The following SLC2A14 variants were observed in gnomAD, a reference collection of about 807,000 sequenced individuals.
SLC2A14 encodes solute carrier family 2, facilitated glucose transporter member 14.
SLC2A14 carries 13 observed loss-of-function variants against 43.0 expected under a neutral mutation model. That is an observed-to-expected ratio of 0.30 (90% CI 0.20 to 0.48). The LOEUF (loss-of-function observed/expected upper bound fraction) is 0.48. Among genes scored for constraint, SLC2A14 ranks in the 20% least tolerant of loss-of-function variants. The probability of loss-of-function intolerance (pLI) is 0.99; values close to 1 mark genes in which losing one functional copy is unlikely to be tolerated. For missense variants in SLC2A14, 428 were observed against 620.4 expected (o/e 0.69, Z 3.29); for synonymous variants, 190 against 233.8 (o/e 0.81, Z 1.71).
rs1395010131 is a variant in SLC2A14, at chr12:7,824,113, G to A, written c.865-2788C>T. ...TCTATTAAAAATACAAAAATCAGCC[G>A]GGTGTGGTGGCAGGTGCCTGTAGTC... is the stretch of plus-strand genomic sequence containing the variant. On this transcript the variant is annotated intron_variant, in intron 7 of 10. Transcript: ENST00000431042. Among the ~76,000 whole-genome samples, 17 of 152,058 alleles carry A rather than the reference G, an allele frequency of 1.1e-4. No individual in the cohort carries two copies. The South Asian group carries it at 2.1e-3, about 19-fold the overall frequency.
exon 1 of SLC2A14, chr12:7,891,103 C>G: frequency 6.5e-7 from 1 of 1,534,628 alleles, no homozygotes; most frequent in Non-Finnish European, 8.7e-7. Flanking sequence ...AGTACTTCTA[C>G]TCTCAACAGT....
At chr12:7,820,657 A>G (rs1303836390) in intron 8 of SLC2A14, among the ~76,000 whole-genome samples, 1 of 152,138 alleles carries the variant, frequency 6.6e-6, no homozygotes, top group Non-Finnish European at 1.5e-5. Flanking sequence ...GTTTTTCCAA[A>G]CACCTCTCCT....
chr12:7,862,095 C>T (rs1219447293), intron 2 of SLC2A14, among the ~76,000 whole-genome samples: 1 of 151,348 alleles, frequency 6.6e-6, no homozygotes, highest in Non-Finnish European at 1.5e-5. Context: ...GAAACCCCGT[C>T]TCTACTAAAA....
intron 9 of SLC2A14, among the ~76,000 whole-genome samples, chr12:7,818,884 G>T (rs560696820): frequency 1.3e-5 from 2 of 151,652 alleles, no homozygotes; most frequent in Admixed American, 6.6e-5. Flanking sequence ...CTGAGACCCC[G>T]TCATCATCCA....
intron 1 of SLC2A14, among the ~76,000 whole-genome samples, chr12:7,886,151 C>CTGTTTTTTTTTTT (rs1945684984): frequency 2.2e-5 from 1 of 44,694 alleles, no homozygotes; most frequent in Admixed American, 4.0e-4. Flanking sequence ...GCCCGGACAG[C>CTGTTTTTTTTTTT]TTTTTTTTTT....
intron 2 of SLC2A14, among the ~76,000 whole-genome samples, chr12:7,867,792 C>A (rs1427661667): frequency 1.3e-5 from 2 of 150,388 alleles, no homozygotes; most frequent in African/African-American, 4.9e-5. Context: ...TTGCAGTGAG[C>A]CGAGATCGTT....
At chr12:7,871,084 G>A (rs61925360) in intron 1 of SLC2A14, 3 of 1,367,784 alleles carry the variant, frequency 2.2e-6, no homozygotes, top group East Asian at 3.7e-5. Context: ...GATGAGCGAG[G>A]CCCCAGGGCC....
intron 2 of SLC2A14, among the ~76,000 whole-genome samples, chr12:7,855,001 G>T (rs10846057): frequency 4.0e-5 from 6 of 151,440 alleles, no homozygotes; most frequent in East Asian, 1.9e-4. Flanking sequence ...GTAGAAACAG[G>T]GTTTCACCAT....
chr12:7,824,644 A>T, intron 7 of SLC2A14, among the ~76,000 whole-genome samples: 1 of 151,144 alleles, frequency 6.6e-6, no homozygotes, highest in Admixed American at 6.6e-5. Flanking sequence ...GAGGCAGGAG[A>T]ATCACTTGAA....
At chr12:7,835,155 G>A (rs1415573918) in intron 2 of SLC2A14, among the ~76,000 whole-genome samples, 1 of 150,076 alleles carries the variant, frequency 6.7e-6, no homozygotes, top group Non-Finnish European at 1.5e-5. Flanking sequence ...TCAAAACAGA[G>A]TAAGTTAGTG....
chr12:7,869,927 G>A lies in SLC2A14; in HGVS notation c.-47C>T, dbSNP rs1240781668. The A allele has an allele frequency of 6.6e-7, 1 of 1,524,722 alleles. No individual in the cohort carries two copies. Among genetic ancestry groups the A allele is most frequent in the East Asian group, 2.5e-5 (1 of 40,798 alleles). 94.4% of individuals were successfully genotyped at this position (1,524,722 alleles called of 1,614,324 possible). Reference sequence around the variant, plus strand: ...GACTCCCTCTCCAATTTCTCTTCAAGGTACTGCTTCCTGTAAATTGTAATT... The same window carrying A: ...GACTCCCTCTCCAATTTCTCTTCAAAGTACTGCTTCCTGTAAATTGTAATT... On this transcript the variant is annotated 5_prime_UTR_variant, in exon 2 of 11. Transcript: ENST00000431042.
At chr12:7,868,113 C>CT (rs2121047198) in intron 2 of SLC2A14, among the ~76,000 whole-genome samples, 1 of 152,280 alleles carries the variant, frequency 6.6e-6, no homozygotes, top group Admixed American at 6.5e-5. Context: ...TGTTGTCTTA[C>CT]TTAAATAAAT....
chr12:7,844,699 G>A (rs944965821), intron 2 of SLC2A14, among the ~76,000 whole-genome samples: 1 of 151,294 alleles, frequency 6.6e-6, no homozygotes, highest in African/African-American at 2.4e-5. Flanking sequence ...ACCACATCCA[G>A]CTAATTTTTA....
At chr12:7,835,173 T>A (rs1865345138) in intron 2 of SLC2A14, among the ~76,000 whole-genome samples, 1 of 151,374 alleles carries the variant, frequency 6.6e-6, no homozygotes, top group African/African-American at 2.4e-5. Context: ...GTGAGAATGT[T>A]ATAAAATTTA....
intron 6 of SLC2A14, among the ~76,000 whole-genome samples, chr12:7,827,994 C>T (rs80056203): frequency 0.021 from 3,252 of 151,858 alleles, 35 homozygotes; most frequent in East Asian, 0.074. Flanking sequence ...AAATTAGTCG[C>T]TGCTTTGTCT....
intron 4 of SLC2A14, among the ~76,000 whole-genome samples, chr12:7,830,223 G>A (rs1244850930): frequency 1.3e-5 from 2 of 150,266 alleles, no homozygotes; most frequent in Non-Finnish European, 2.9e-5. Context: ...CGCGATCTCC[G>A]CTCACTGCAA....
intron 2 of SLC2A14, among the ~76,000 whole-genome samples, chr12:7,855,510 G>A (rs1867286578): frequency 1.3e-5 from 2 of 152,064 alleles, no homozygotes; most frequent in Non-Finnish European, 2.9e-5. Flanking sequence ...GGGAGCTTAA[G>A]AAGAAATCTA....
chr12:7,844,033 G>C (rs1443504566), intron 2 of SLC2A14, among the ~76,000 whole-genome samples: 5 of 151,970 alleles, frequency 3.3e-5, no homozygotes, highest in South Asian at 2.1e-4. Flanking sequence ...CACTAATCTG[G>C]AGTTTACAGT....
At chr12:7,888,324 C>A (rs186947013) in intron 1 of SLC2A14, among the ~76,000 whole-genome samples, 1 of 152,030 alleles carries the variant, frequency 6.6e-6, no homozygotes, top group East Asian at 1.9e-4. Flanking sequence ...AAGAAATGCA[C>A]GTTTTTAAAA....
Sources: gnomAD v4.1 joint callset for allele counts (sites outside exome capture counted in the v4.1 genomes callset) on GRCh38, gnomAD v4.1.1 for gene constraint, MANE v1.5 for transcripts, NCBI Gene and HGNC (gene_info 2026-07-23, HGNC 2026-07-21) for gene names.